SYNE2: variants seen among roughly 807,000 people sequenced by gnomAD.
SYNE2 encodes spectrin repeat containing nuclear envelope protein 2, also known as nesprin-2.
Under a neutral mutation model 856.3 loss-of-function variants are expected in SYNE2, and 431 were observed. The observed-to-expected ratio is 0.50, with a 90% CI of 0.47 to 0.55. SYNE2 has a LOEUF of 0.55. SYNE2 is among the 20% of genes least tolerant of loss of function. The pLI, the probability that SYNE2 is intolerant of heterozygous loss-of-function variation, is 0.00. For synonymous variants in SYNE2, 2,923 were observed against 2,872.3 expected, an observed-to-expected ratio of 1.02 and a Z score of -0.56; for missense variants, 8,129 against 8,023.2, an observed-to-expected ratio of 1.01 and a Z score of -0.50.
At chr14:63,866,010 C>G (rs1283881604) in intron 1 of SYNE2, among the ~76,000 whole-genome samples, 6 of 152,084 alleles carry the variant, frequency 3.9e-5, no homozygotes, top group Admixed American at 3.9e-4. Context: ...GAATTTCAGA[C>G]TATAGTTTTG....
In SYNE2 at chr14:63,838,504, A is replaced by C. The variant is rs72716392; in HGVS notation, c.-304-13997A>C. Among the ~76,000 whole-genome samples the C allele has an allele frequency of 5.9e-3, 891 of 152,152 alleles. 4 individuals are homozygous for C. Among genetic ancestry groups the C allele is most frequent in the Non-Finnish European group, 8.9e-3 (605 of 68,008 alleles). ...ATATGAGTCATTTTTATCCATGTAC[A>C]TTATTTATGTATTTACTGTTGTTTT... On this transcript the variant is annotated intron_variant, in intron 1 of 23. Transcript: ENST00000674003.
chr14:64,114,960 G>A (rs1264929262), intron 66 of SYNE2, among the ~76,000 whole-genome samples: 1 of 152,168 alleles, frequency 6.6e-6, no homozygotes, highest in Non-Finnish European at 1.5e-5. Context: ...TCAGATACTG[G>A]CACTGCCGCT....
chr14:64,136,454 G>A (rs1160764507), intron 78 of SYNE2, among the ~76,000 whole-genome samples: 1 of 151,912 alleles, frequency 6.6e-6, no homozygotes, highest in African/African-American at 2.4e-5. Flanking sequence ...TGGGAGTGGT[G>A]GAAAGGGCTA....
chr14:64,210,638 T>C (rs950761016), intron 103 of SYNE2, among the ~76,000 whole-genome samples: 4 of 152,218 alleles, frequency 2.6e-5, no homozygotes, highest in Non-Finnish European at 5.9e-5. Context: ...TTTTTGAAGG[T>C]AAATATTCAC....
chr14:63,785,025 G>A (rs572267126), intron 1 of SYNE2, among the ~76,000 whole-genome samples: 1 of 152,200 alleles, frequency 6.6e-6, no homozygotes, highest in East Asian at 1.9e-4. Flanking sequence ...TTGAAGTGGT[G>A]ATCCTCATTC....
At position 64,074,034 on chromosome 14, in the gene SYNE2, C is replaced by T; in HGVS notation, c.10764C>T (p.Phe3588=). 1 of 1,614,192 alleles carries T rather than the reference C, an allele frequency of 6.2e-7. No individual in the cohort carries two copies. The highest frequency in any genetic ancestry group is 8.5e-7 in the Non-Finnish European group (1 of 1,180,004). The change falls in exon 53 of 116, where the codon TTC becomes TTT. Residue 3588 remains phenylalanine, a synonymous_variant. Coordinates refer to ENST00000555002, the MANE Select transcript of SYNE2 (RefSeq NM_182914.3). Reference sequence around the variant, plus strand: ...CTGAAATCCAAGAAAGACATTCCTTCACAAAAGAGATAATTGCTTTGAAGA... The same window carrying T: ...CTGAAATCCAAGAAAGACATTCCTTTACAAAAGAGATAATTGCTTTGAAGA... ...VQTEIQERHS[F]TKEIIALKNF...
intron 32 of SYNE2, among the ~76,000 whole-genome samples, chr14:64,010,596 A>G (rs546423411): frequency 6.6e-6 from 1 of 152,134 alleles, no homozygotes; most frequent in Non-Finnish European, 1.5e-5. Context: ...ATATTTTTGG[A>G]CACTAGGTGT....
At chr14:64,006,593 C>G (rs758641939) in intron 30 of SYNE2, among the ~76,000 whole-genome samples, 7 of 152,096 alleles carry the variant, frequency 4.6e-5, no homozygotes, top group Non-Finnish European at 8.8e-5. Flanking sequence ...CTTTGGGAAG[C>G]TGAGCCAGGG....
At chr14:63,922,359 T>C (rs1428389158) in intron 2 of SYNE2, among the ~76,000 whole-genome samples, 2 of 152,176 alleles carry the variant, frequency 1.3e-5, no homozygotes, top group Non-Finnish European at 2.9e-5. Context: ...GGGAGGAAGT[T>C]TTCTCGTTTA....
intron 2 of SYNE2, among the ~76,000 whole-genome samples, chr14:63,937,220 G>C (rs2095845000): frequency 1.3e-5 from 2 of 152,250 alleles, no homozygotes; most frequent in Non-Finnish European, 2.9e-5. Context: ...AGAAGACCTG[G>C]AGACAGTAAA....
At chr14:63,897,245 C>G (rs1050454672) in intron 1 of SYNE2, among the ~76,000 whole-genome samples, 2 of 151,762 alleles carry the variant, frequency 1.3e-5, no homozygotes, top group African/African-American at 4.8e-5. Context: ...AGAGTGAGAC[C>G]CTATCTCTAA....
chr14:63,934,410 C>T lies in SYNE2; in HGVS notation c.80-6204C>T, dbSNP rs151237518. On this transcript the variant is annotated intron_variant, in intron 2 of 115. Transcript: ENST00000555002. Reference sequence around the variant, plus strand: ...AGGGGATGTTCCTCAGTTTACTCTCCGATTATGTGCTCCATTTGAACAATC... The same window carrying T: ...AGGGGATGTTCCTCAGTTTACTCTCTGATTATGTGCTCCATTTGAACAATC... 2.3e-3 allele frequency among the ~76,000 whole-genome samples: 350 copies of T among 152,012 alleles called. 1 individual carries two copies. The highest frequency in any genetic ancestry group is 7.7e-3 in the African/African-American group (318 of 41,434).
At chr14:63,825,278 A>C in intron 1 of SYNE2, among the ~76,000 whole-genome samples, 1 of 152,176 alleles carries the variant, frequency 6.6e-6, no homozygotes, top group East Asian at 1.9e-4. Flanking sequence ...GAGATCAAAA[A>C]AATTACCAAG....
chr14:64,184,485 C>G (rs2098478929), intron 96 of SYNE2, among the ~76,000 whole-genome samples: 1 of 152,200 alleles, frequency 6.6e-6, no homozygotes, highest in Non-Finnish European at 1.5e-5. Flanking sequence ...AGTATTCAAA[C>G]CAAACTGATT....
rs1200723891 is a variant in SYNE2, at chr14:64,052,306, C to T, written c.8393C>T (p.Thr2798Ile). The part of the protein sequence containing the change: ...EVKDKVPSLT[T>I]YEGSDLNNTL... ...AAAGATAAGGTTCCTAGCCTTACAA[C>T]CTATGAGGGCAGTGATTTAAATAAT... The change falls in exon 48 of 116, where the codon ACC becomes ATC. Residue 2798 changes from threonine (T) to isoleucine (I), a missense_variant. Around this residue, in one of 3 missense-constraint regions of SYNE2, gnomAD observed 5,410 missense variants for 5,284.8 expected, o/e 1.02. Coordinates refer to ENST00000555002, the MANE Select transcript of SYNE2 (RefSeq NM_182914.3). The T allele has an allele frequency of 2.5e-6, 4 of 1,614,154 alleles. No homozygotes were observed. Among genetic ancestry groups the T allele is most frequent in the Non-Finnish European group, 2.5e-6 (3 of 1,180,024 alleles).
At chr14:63,924,388 GA>G (rs900675343) in intron 2 of SYNE2, among the ~76,000 whole-genome samples, 72 of 147,576 alleles carry the variant, frequency 4.9e-4, no homozygotes, top group African/African-American at 1.2e-3. Context: ...GTCCAATTCT[GA>G]AAAAAAAAAT....
At chr14:63,831,878 G>A (rs190867609) in intron 1 of SYNE2, among the ~76,000 whole-genome samples, 155 of 151,914 alleles carry the variant, frequency 1.0e-3, no homozygotes, top group African/African-American at 3.7e-3. Context: ...GAATCTTAAT[G>A]ATTATTGAAG....
intron 53 of SYNE2, 106 bp downstream of exon 53, chr14:64,074,242 C>A (rs1253387158): frequency 5.2e-6 from 6 of 1,163,624 alleles, no homozygotes; most frequent in African/African-American, 1.5e-5. Context: ...GGGGAGCGGT[C>A]TGGGGAGAGA....
chr14:64,183,060 A>T (rs975224884), intron 96 of SYNE2, among the ~76,000 whole-genome samples: 7 of 130,154 alleles, frequency 5.4e-5, no homozygotes, highest in Admixed American at 3.3e-4. Context: ...CTGGGCGGAG[A>T]CGCTCCTCAC....
Sources: allele counts gnomAD v4.1 joint callset (sites outside exome capture counted in the v4.1 genomes callset), GRCh38; gene constraint gnomAD v4.1.1; regional missense constraint gnomAD v4.1.1; transcripts MANE v1.5; gene names NCBI Gene and HGNC (gene_info 2026-07-23, HGNC 2026-07-21).